Variants in ASIC2 observed in about 807,000 individuals in gnomAD.
ASIC2 encodes the protein acid sensing ion channel subunit 2.
Under a neutral mutation model 57.3 loss-of-function variants are expected in ASIC2, and 25 were observed. The observed-to-expected ratio is 0.44, with a 90% CI of 0.32 to 0.61. The LOEUF is 0.61. Among genes scored for constraint, ASIC2 ranks in the 20% least tolerant of loss-of-function variants. The pLI is 0.06. For missense variants in ASIC2, 641 were observed against 738.1 expected (o/e 0.87, Z 1.52); for synonymous variants, 319 against 307.5 (o/e 1.04, Z -0.39).
intron 1 of ASIC2, among the ~76,000 whole-genome samples, chr17:34,083,837 T>A (rs1216331197): frequency 2.0e-5 from 3 of 152,262 alleles, no homozygotes; most frequent in African/African-American, 7.2e-5. Flanking sequence ...GAAGTGTCTG[T>A]TCAGGTCCTT....
In ASIC2 at chr17:33,814,236, A is replaced by T. The variant is rs59658533; in HGVS notation, c.555+341742T>A. 9.7e-4 allele frequency among the ~76,000 whole-genome samples: 147 copies of T among 152,304 alleles called. 1 individual carries two copies. Among genetic ancestry groups the T allele is most frequent in the African/African-American group, 3.5e-3 (145 of 41,554 alleles). ...GCCTAAATTCCTGCAGCCCTATCAC[A>T]TATCAAGCTTCCTCCATGGGAAGCA... On this transcript the variant is annotated intron_variant, in intron 1 of 9. Coordinates refer to the ASIC2 transcript ENST00000359872.
At chr17:33,490,667 C>A (rs181767923) in intron 1 of ASIC2, among the ~76,000 whole-genome samples, 1 of 152,330 alleles carries the variant, frequency 6.6e-6, no homozygotes, top group Admixed American at 6.5e-5. Context: ...GCCCTGATTG[C>A]GAGGCCTCCC....
At chr17:33,524,674 G>A (rs551737461) in intron 1 of ASIC2, among the ~76,000 whole-genome samples, 13 of 152,134 alleles carry the variant, frequency 8.5e-5, no homozygotes, top group South Asian at 2.1e-4. Flanking sequence ...TGCTGCTCAC[G>A]AGAATGAGGT....
intron 1 of ASIC2, among the ~76,000 whole-genome samples, chr17:33,611,186 C>T (rs571307838): frequency 4.6e-5 from 7 of 152,188 alleles, no homozygotes; most frequent in Non-Finnish European, 4.4e-5. Context: ...CCCTTTCCCC[C>T]TCTCCTGTCC....
At chr17:33,020,549 G>A (rs2091831252) in intron 7 of ASIC2, among the ~76,000 whole-genome samples, 1 of 152,126 alleles carries the variant, frequency 6.6e-6, no homozygotes, top group South Asian at 2.1e-4. Context: ...CACTCTCAGG[G>A]GTCTTGTGAG....
At chr17:33,133,612 CT>C (rs1261406237) in intron 1 of ASIC2, among the ~76,000 whole-genome samples, 1 of 152,194 alleles carries the variant, frequency 6.6e-6, no homozygotes, top group Non-Finnish European at 1.5e-5. Context: ...GATCTGTAAA[CT>C]TTAAGTCTGT....
At chr17:33,988,473 G>A (rs1351810564) in intron 1 of ASIC2, among the ~76,000 whole-genome samples, 1 of 152,174 alleles carries the variant, frequency 6.6e-6, no homozygotes, top group Non-Finnish European at 1.5e-5. Flanking sequence ...CCATGATTGT[G>A]AGGTCTCCTC....
intron 1 of ASIC2, among the ~76,000 whole-genome samples, chr17:34,079,294 C>T (rs1261476670): frequency 6.6e-6 from 1 of 152,200 alleles, no homozygotes; most frequent in Non-Finnish European, 1.5e-5. Context: ...CAGTATGAAG[C>T]CCATGCAATT....
chr17:33,097,613 C>T (rs1034135913), intron 2 of ASIC2, among the ~76,000 whole-genome samples: 16 of 152,234 alleles, frequency 1.1e-4, no homozygotes, highest in African/African-American at 3.9e-4. Context: ...TCCTCACCCT[C>T]CCCTGCCTTT....
chr17:33,636,858 A>G (rs2142030936), intron 1 of ASIC2, among the ~76,000 whole-genome samples: 1 of 151,916 alleles, frequency 6.6e-6, no homozygotes, highest in South Asian at 2.1e-4. Context: ...GTAACACACA[A>G]GCATATGCAT....
intron 1 of ASIC2, among the ~76,000 whole-genome samples, chr17:33,429,593 T>C (rs1045466021): frequency 4.6e-5 from 7 of 152,086 alleles, no homozygotes; most frequent in Admixed American, 2.0e-4. Flanking sequence ...GGTTTCACTG[T>C]GTTAGCCAGG....
intron 1 of ASIC2, among the ~76,000 whole-genome samples, chr17:33,154,933 T>C (rs1904937492): frequency 6.6e-6 from 1 of 152,230 alleles, no homozygotes; most frequent in African/African-American, 2.4e-5. Flanking sequence ...TTGTGTGGTG[T>C]ATTTGCATTT....
chr17:33,818,313 T>C (rs532520125), intron 1 of ASIC2, among the ~76,000 whole-genome samples: 1 of 152,214 alleles, frequency 6.6e-6, no homozygotes, highest in Non-Finnish European at 1.5e-5. Context: ...ACTCTTAACC[T>C]AAACCAATTA....
At chr17:33,293,470 G>C (rs1315084287), upstream of ASIC2, among the ~76,000 whole-genome samples, 2 of 152,208 alleles carry the variant, frequency 1.3e-5, no homozygotes, top group Non-Finnish European at 2.9e-5. Context: ...GGTGGGGAGC[G>C]GGATGGGGAT....
At chr17:33,789,609 A>G (rs1911707587) in intron 1 of ASIC2, among the ~76,000 whole-genome samples, 1 of 152,166 alleles carries the variant, frequency 6.6e-6, no homozygotes, top group African/African-American at 2.4e-5. Context: ...TAACATTTGC[A>G]AGCTATTTTA....
chr17:33,121,791 T>G (rs8074973), intron 1 of ASIC2, among the ~76,000 whole-genome samples: 2,509 of 152,292 alleles, frequency 0.016, 44 homozygotes, highest in African/African-American at 0.043. Context: ...CAATGAATAA[T>G]GGAGCTTAGC....
intron 1 of ASIC2, among the ~76,000 whole-genome samples, chr17:33,702,571 C>T (rs1316417835): frequency 6.6e-6 from 1 of 152,118 alleles, no homozygotes; most frequent in Non-Finnish European, 1.5e-5. Flanking sequence ...GGAAAAAAGG[C>T]CTTGCCCCGA....
Position 33,501,967 on chromosome 17 carries a change from T to C in ASIC2, c.556-389900A>G, listed in dbSNP as rs529302835. On this transcript the variant is annotated intron_variant, in intron 1 of 9. Coordinates refer to the ASIC2 transcript ENST00000359872. ...CAAGAAAATCAACACTGGGGAAGCC[T>C]GGGCCTGAGCGTTTCCTTGATCAAT... 2.4e-4 allele frequency among the ~76,000 whole-genome samples: 37 copies of C among 152,268 alleles called. No homozygotes were observed. In the East Asian group the frequency reaches 4.6e-3, roughly 19 times the overall value.
At chr17:33,611,445 C>T (rs1050695161) in intron 1 of ASIC2, among the ~76,000 whole-genome samples, 2 of 152,164 alleles carry the variant, frequency 1.3e-5, no homozygotes, top group African/African-American at 2.4e-5. Context: ...GCCCCATATC[C>T]GTCAGTTGTT....
Sources: allele counts gnomAD v4.1 joint callset (sites outside exome capture counted in the v4.1 genomes callset), GRCh38; gene constraint gnomAD v4.1.1; transcripts MANE v1.5; gene names NCBI Gene and HGNC (gene_info 2026-07-23, HGNC 2026-07-21).